AP1G1: variants seen among roughly 807,000 people sequenced by gnomAD.
AP1G1 encodes the protein AP-1 complex subunit gamma-1.
In AP1G1, 7 loss-of-function variants were observed where a neutral mutation model predicts 108.3. The observed-to-expected ratio is 0.06, with a 90% CI of 0.04 to 0.12. The LOEUF (loss-of-function observed/expected upper bound fraction) is 0.12, where lower values mean the gene tolerates loss of function less well. Among genes scored for constraint, AP1G1 ranks in the 10% least tolerant of loss-of-function variants. The pLI is 1.00. For missense variants in AP1G1, 756 were observed against 1,010.7 expected (o/e 0.75, Z 3.42); for synonymous variants, 379 against 353.5 (o/e 1.07, Z -0.81).
chr16:71,791,673 CAAAA>C lies in AP1G1; in HGVS notation c.-3-2195_-3-2192del, dbSNP rs59552791. 1.4e-4 allele frequency among the ~76,000 whole-genome samples: 13 copies of C among 90,270 alleles called. No homozygotes were observed. The South Asian group carries it at 4.4e-3, about 30-fold the overall frequency. 59.2% of individuals were successfully genotyped at this position (90,270 alleles called of 152,430 possible). ...TGGGTGACAGAGTGAGACCCTGTCT[CAAAA>C]AAAAAAAAAAAAAAAGTTGTGTGTA... On this transcript the variant is annotated intron_variant, in intron 1 of 22. Transcript: ENST00000299980.
intron 14 of AP1G1, 67 bp from the exon 15 acceptor site, chr16:71,750,050 T>C (rs1567644675): frequency 2.7e-6 from 4 of 1,501,258 alleles, no homozygotes; most frequent in South Asian, 1.1e-5. Flanking sequence ...ATGCAAATCA[T>C]AGGTCATCTC....
chr16:71,801,464 G>T (rs1328094279), intron 1 of AP1G1, among the ~76,000 whole-genome samples: 1 of 152,088 alleles, frequency 6.6e-6, no homozygotes, highest in Non-Finnish European at 1.5e-5. Flanking sequence ...AAATATTGAA[G>T]CGTAAATTCA....
chr16:71,774,103 C>A (rs1302511192), intron 3 of AP1G1, among the ~76,000 whole-genome samples: 4 of 142,238 alleles, frequency 2.8e-5, no homozygotes, highest in South Asian at 4.5e-4. Flanking sequence ...GTAGGCCAGG[C>A]ACAGTGGCTC....
At chr16:71,735,348 T>C (rs186525432) in intron 21 of AP1G1, among the ~76,000 whole-genome samples, 1 of 152,328 alleles carries the variant, frequency 6.6e-6, no homozygotes, top group East Asian at 1.9e-4. Context: ...TGGGGTTTAT[T>C]TGCTTGCTTA....
rs2045459905 is a variant in AP1G1 at position 71,729,645 on chromosome 16, C to G, written c.*3413G>C. The G allele has an allele frequency of 6.6e-6, 1 of 152,586 alleles. No homozygotes were observed. The highest frequency in any genetic ancestry group is 1.5e-5 in the Non-Finnish European group (1 of 68,046). 9.5% of individuals were successfully genotyped at this position (152,586 alleles called of 1,614,324 possible). On this transcript the variant is annotated 3_prime_UTR_variant, in exon 23 of 23. Coordinates refer to ENST00000299980, the MANE Select transcript of AP1G1 (RefSeq NM_001128.6). ...CTACAAGCAGCCCCACTCTCCCGAG[C>G]CAAAGCTGGTCAAAAGTGTTTTAAA...
chr16:71,757,637 T>C (rs902384777), intron 11 of AP1G1, among the ~76,000 whole-genome samples: 4 of 152,172 alleles, frequency 2.6e-5, no homozygotes, highest in East Asian at 1.9e-4. Context: ...TATGAGGCAA[T>C]TGAGGCACTG....
intron 2 of AP1G1, among the ~76,000 whole-genome samples, chr16:71,787,649 A>C (rs985065969): frequency 1.3e-5 from 2 of 152,184 alleles, no homozygotes; most frequent in African/African-American, 4.8e-5. Context: ...CTGTAAATCT[A>C]ACCTAATACT....
chr16:71,750,052 G>C (rs1461393446), intron 14 of AP1G1, 69 bp from the exon 15 acceptor site: 3 of 1,493,816 alleles, frequency 2.0e-6, no homozygotes, highest in Non-Finnish European at 2.8e-6. Flanking sequence ...GCAAATCATA[G>C]GTCATCTCAT....
rs138636600 is a variant in AP1G1 at position 71,763,571 on chromosome 16, T to C, written c.918+779A>G. 1.8e-3 allele frequency among the ~76,000 whole-genome samples: 281 copies of C among 152,368 alleles called. 8 individuals are homozygous for C. In the East Asian group the frequency reaches 0.043, roughly 23 times the overall value. ...CATGACTTATCTCTATGCATGAATT[T>C]GGAAGTGGCTCCAAGATAATGTTAG... On this transcript the variant is annotated intron_variant, in intron 9 of 22. Transcript: ENST00000299980.
intron 2 of AP1G1, among the ~76,000 whole-genome samples, chr16:71,779,995 G>GTTTTTTTT (rs573581952): frequency 7.7e-6 from 1 of 129,636 alleles, no homozygotes; most frequent in Non-Finnish European, 1.7e-5. Flanking sequence ...GTTTTTTTTT[G>GTTTTTTTT]TTTTTTTTTT....
In AP1G1 at chr16:71,767,830, A is replaced by G. The variant is rs777630028; in HGVS notation, c.642+1793T>C. 1.6e-5 allele frequency: 25 copies of G among 1,582,076 alleles called. No homozygotes were observed. The South Asian group carries it at 2.5e-4, about 16-fold the overall frequency. On this transcript the variant is annotated intron_variant, in intron 6 of 22. Transcript: ENST00000299980. Reference sequence around the variant, plus strand: ...GTGGATCGATACACAAAAGCTACTAAGGACCTAATGCCAGCATGCACCATC... The same window carrying G: ...GTGGATCGATACACAAAAGCTACTAGGGACCTAATGCCAGCATGCACCATC...
intron 22 of AP1G1, among the ~76,000 whole-genome samples, chr16:71,733,884 A>C (rs1026809873): frequency 6.6e-6 from 1 of 152,228 alleles, no homozygotes; most frequent in Non-Finnish European, 1.5e-5. Context: ...CAGTAGTTTT[A>C]AGAGAACTCA....
chr16:71,753,967 G>A (rs1365638863), intron 12 of AP1G1, 80 bp from the exon 13 acceptor site: 3 of 1,364,344 alleles, frequency 2.2e-6, no homozygotes, highest in Non-Finnish European at 3.1e-6. Context: ...TGCCCAAGCA[G>A]GGTGACTCAC....
intron 21 of AP1G1, among the ~76,000 whole-genome samples, chr16:71,736,887 G>A (rs1007736342): frequency 1.3e-5 from 2 of 151,270 alleles, no homozygotes; most frequent in Non-Finnish European, 2.9e-5. Context: ...GAGCCACCGC[G>A]CCCAGCAAAA....
chr16:71,751,223 C>T (rs182796951), intron 13 of AP1G1: 1 of 151,786 alleles, frequency 6.6e-6, no homozygotes, highest in East Asian at 1.9e-4. Context: ...GTGGCTCACA[C>T]CTGTAATCGC....
chr16:71,770,923 A>G (rs1475076222), intron 5 of AP1G1, among the ~76,000 whole-genome samples: 1 of 152,200 alleles, frequency 6.6e-6, no homozygotes, highest in East Asian at 1.9e-4. Flanking sequence ...TAATAAAGTA[A>G]AAGAGGACCA....
chr16:71,753,405 T>C (rs2030608871), intron 13 of AP1G1, among the ~76,000 whole-genome samples: 1 of 152,196 alleles, frequency 6.6e-6, no homozygotes, highest in Non-Finnish European at 1.5e-5. Context: ...ATCCTACCAT[T>C]CTCTGCCTCT....
chr16:71,766,593 C>T (rs1406333996), intron 6 of AP1G1: 2 of 304,504 alleles, frequency 6.6e-6, no homozygotes, highest in African/African-American at 4.4e-5. Context: ...GAATTGCATT[C>T]CATCTCTTTT....
rs2032522793 is a variant in AP1G1 at position 71,794,835 on chromosome 16, C to CTTTTCTTTTTTTTTTT, written c.-3-5354_-3-5353insAAAAAAAAAAAGAAAA. Among the ~76,000 whole-genome samples, 52 of 39,656 alleles carry CTTTTCTTTTTTTTTTT rather than the reference C, an allele frequency of 1.3e-3. 4 individuals are homozygous for CTTTTCTTTTTTTTTTT. The highest frequency in any genetic ancestry group is 5.3e-3 in the African/African-American group (51 of 9,546). 26.0% of individuals were successfully genotyped at this position (39,656 alleles called of 152,430 possible). On this transcript the variant is annotated intron_variant, in intron 1 of 22. Transcript: ENST00000299980. ...TACCATTCTCAGGCCATGAGAAGTGCTTTTTTTTTTTTTTTTTTTTTTTTT... is the reference window on the plus strand; with the variant it reads ...TACCATTCTCAGGCCATGAGAAGTGCTTTTCTTTTTTTTTTTTTTTTTTTTTTTTTTTTTTTTTTTT...
Sources: allele counts gnomAD v4.1 joint callset (sites outside exome capture counted in the v4.1 genomes callset), GRCh38; gene constraint gnomAD v4.1.1; transcripts MANE v1.5; gene names NCBI Gene and HGNC (gene_info 2026-07-23, HGNC 2026-07-21).